The following MGAT4C variants were observed in gnomAD, a reference collection of about 807,000 sequenced individuals.
MGAT4C encodes the protein alpha-1,3-mannosyl-glycoprotein 4-beta-N-acetylglucosaminyltransferase C.
A neutral mutation model predicts 40.1 loss-of-function variants in MGAT4C; 19 were observed. That is an observed-to-expected ratio of 0.47 (90% CI 0.33 to 0.70). The LOEUF (loss-of-function observed/expected upper bound fraction) is 0.70. Among genes scored for constraint, MGAT4C ranks in the 30% least tolerant of loss-of-function variants. The probability of loss-of-function intolerance (pLI) is 0.02; values close to 1 mark genes in which losing one functional copy is unlikely to be tolerated. For missense variants in MGAT4C, 491 were observed against 563.2 expected, an observed-to-expected ratio of 0.87 and a Z score of 1.30; for synonymous variants, 181 against 187.1, an observed-to-expected ratio of 0.97 and a Z score of 0.27.
At chr12:86,194,266 C>T (rs984252444) in intron 1 of MGAT4C, among the ~76,000 whole-genome samples, 2 of 150,126 alleles carry the variant, frequency 1.3e-5, no homozygotes, top group African/African-American at 4.9e-5. Flanking sequence ...TCCAATAACC[C>T]TTGTTTTTTT....
Position 85,956,555 on chromosome 12 carries a change from T to C in MGAT4C, c.*22734A>G, listed in dbSNP as rs531008996. ...AACATTTACAGATCATTTTTTGGAT[T>C]ACATTTAGTCTTTAGAAAATATTTG... On this transcript the variant is annotated 3_prime_UTR_variant, in exon 5 of 5. Coordinates refer to ENST00000611864, the MANE Select transcript of MGAT4C (RefSeq NM_001351288.2). 6.6e-6 allele frequency: 1 copy of C among 152,330 alleles called. No homozygotes were observed. Among genetic ancestry groups the C allele is most frequent in the African/African-American group, 2.4e-5 (1 of 41,590 alleles). The allele number at this position is 152,330 out of a possible 1,614,324, so 9.4% of individuals were successfully genotyped here.
At chr12:86,065,992 C>T (rs961609209) in intron 1 of MGAT4C, among the ~76,000 whole-genome samples, 1 of 152,102 alleles carries the variant, frequency 6.6e-6, no homozygotes, top group Non-Finnish European at 1.5e-5. Context: ...CCTATGAATC[C>T]AACTTACAAG....
intron 2 of MGAT4C, among the ~76,000 whole-genome samples, chr12:86,585,489 T>C (rs1038540716): frequency 7.3e-5 from 11 of 151,248 alleles, no homozygotes; most frequent in African/African-American, 2.4e-4. Flanking sequence ...AAATGAAAAA[T>C]TTTGCCTAAA....
At chr12:86,410,046 A>T (rs575544589) in intron 3 of MGAT4C, among the ~76,000 whole-genome samples, 1 of 152,156 alleles carries the variant, frequency 6.6e-6, no homozygotes, top group East Asian at 1.9e-4. Context: ...CAAAGATCAC[A>T]TGCTTTAAAG....
intron 1 of MGAT4C, among the ~76,000 whole-genome samples, chr12:86,235,661 T>C (rs549511743): frequency 6.6e-6 from 1 of 152,208 alleles, no homozygotes; most frequent in East Asian, 1.9e-4. Flanking sequence ...TTCTGTTCAT[T>C]GTTTTAGATC....
chr12:86,510,385 A>G (rs574452579), intron 2 of MGAT4C, among the ~76,000 whole-genome samples: 2 of 152,262 alleles, frequency 1.3e-5, no homozygotes, highest in East Asian at 3.9e-4. Context: ...ACTGCAAAAA[A>G]ATGCCAAATT....
chr12:86,058,895 T>C (rs1163080717), intron 1 of MGAT4C, among the ~76,000 whole-genome samples: 1 of 152,174 alleles, frequency 6.6e-6, no homozygotes, highest in Non-Finnish European at 1.5e-5. Context: ...TGGTCTTACA[T>C]GTATACAAAC....
intron 2 of MGAT4C, among the ~76,000 whole-genome samples, chr12:86,527,690 T>C (rs1958909935): frequency 6.6e-6 from 1 of 152,210 alleles, no homozygotes; most frequent in Admixed American, 6.5e-5. Context: ...TTGTCTAGTT[T>C]TTCTTATACA....
At chr12:86,511,890 C>G (rs961407726) in intron 2 of MGAT4C, among the ~76,000 whole-genome samples, 3 of 151,948 alleles carry the variant, frequency 2.0e-5, no homozygotes, top group Non-Finnish European at 4.4e-5. Flanking sequence ...AAAAATAAAC[C>G]AGTGGGGCTA....
At chr12:86,280,645 G>C (rs1953194331) in intron 4 of MGAT4C, among the ~76,000 whole-genome samples, 1 of 148,866 alleles carries the variant, frequency 6.7e-6, no homozygotes, top group African/African-American at 2.5e-5. Flanking sequence ...GTCCATTATT[G>C]CTATTTGTGT....
chr12:86,328,391 A>T (rs1335739111), intron 4 of MGAT4C, among the ~76,000 whole-genome samples: 3 of 152,200 alleles, frequency 2.0e-5, no homozygotes, highest in Non-Finnish European at 4.4e-5. Flanking sequence ...TGATTATCAG[A>T]TAACACTAGT....
intron 1 of MGAT4C, among the ~76,000 whole-genome samples, chr12:86,077,355 C>T (rs1375272427): frequency 6.6e-6 from 1 of 152,152 alleles, no homozygotes; most frequent in African/African-American, 2.4e-5. Flanking sequence ...AATACTATTA[C>T]AGGAAGTCAA....
chr12:86,173,915 G>T (rs983618107), intron 1 of MGAT4C, among the ~76,000 whole-genome samples: 6 of 151,882 alleles, frequency 4.0e-5, no homozygotes, highest in East Asian at 1.9e-4. Flanking sequence ...TTATGTCCAA[G>T]CTTGCTTGTC....
chr12:86,533,617 T>TGTACTA (rs1307791411), intron 2 of MGAT4C, among the ~76,000 whole-genome samples: 1 of 151,668 alleles, frequency 6.6e-6, no homozygotes, highest in Non-Finnish European at 1.5e-5. Flanking sequence ...ATACACACTA[T>TGTACTA]GTACTATATA....
intron 1 of MGAT4C, among the ~76,000 whole-genome samples, chr12:86,782,171 ATTTTTTTTTT>A (rs57791582): frequency 2.5e-4 from 10 of 40,292 alleles, no homozygotes; most frequent in East Asian, 1.9e-3. Flanking sequence ...TGTTTTTTGT[ATTTTTTTTTT>A]TTTTTTTTTT....
chr12:86,357,711 G>A (rs1327310547), intron 3 of MGAT4C, among the ~76,000 whole-genome samples: 2 of 152,152 alleles, frequency 1.3e-5, no homozygotes, highest in African/African-American at 2.4e-5. Flanking sequence ...ATTTGATCAA[G>A]TGGAAGAAAG....
chr12:86,229,140 A>C (rs1032451887), intron 1 of MGAT4C, among the ~76,000 whole-genome samples: 6 of 152,102 alleles, frequency 3.9e-5, no homozygotes, highest in African/African-American at 1.4e-4. Context: ...TAAATAACAA[A>C]GTTAAAATAA....
At chr12:86,281,161 G>T (rs984696735) in intron 4 of MGAT4C, among the ~76,000 whole-genome samples, 2 of 151,364 alleles carry the variant, frequency 1.3e-5, no homozygotes, top group Non-Finnish European at 3.0e-5. Flanking sequence ...CCCTTCTTTT[G>T]GTAGTTTTTA....
chr12:86,252,594 T>G (rs1034866605), intron 1 of MGAT4C, among the ~76,000 whole-genome samples: 4 of 151,956 alleles, frequency 2.6e-5, no homozygotes, highest in African/African-American at 9.7e-5. Flanking sequence ...GGAACTAGCA[T>G]TAGTAGCTAC....
Sources: allele counts gnomAD v4.1 joint callset (sites outside exome capture counted in the v4.1 genomes callset), GRCh38; gene constraint gnomAD v4.1.1; transcripts MANE v1.5; gene names NCBI Gene and HGNC (gene_info 2026-07-23, HGNC 2026-07-21).